Variants in ABCA13 observed in about 807,000 individuals in gnomAD.
ABCA13 encodes the protein ATP-binding cassette sub-family A member 13.
A neutral mutation model predicts 478.7 loss-of-function variants in ABCA13; 476 were observed. That is an observed-to-expected ratio of 0.99 (90% CI 0.92 to 1.07). The LOEUF (loss-of-function observed/expected upper bound fraction) is 1.07. ABCA13 is among the 50% of genes least tolerant of loss of function. ABCA13 has a pLI of 0.00. For missense variants in ABCA13, 6,060 were observed against 5,910.6 expected, an observed-to-expected ratio of 1.03 and a Z score of -0.83; for synonymous variants, 2,252 against 2,158.9, an observed-to-expected ratio of 1.04 and a Z score of -1.20.
chr7:48,228,577 G>T (rs1448413726), intron 6 of ABCA13, among the ~76,000 whole-genome samples: 1 of 152,094 alleles, frequency 6.6e-6, no homozygotes, highest in Non-Finnish European at 1.5e-5. Flanking sequence ...GCTGAGGGTG[G>T]GGAGCACATA....
At position 48,580,606 on chromosome 7, in the gene ABCA13, G is replaced by A. The variant is rs17132479; in HGVS notation, c.14505+232G>A. Among the ~76,000 whole-genome samples the A allele has an allele frequency of 0.13, 20,192 of 152,166 alleles. 1,653 individuals are homozygous for A. The highest frequency in any genetic ancestry group is 0.21 in the African/African-American group (8,519 of 41,498). ...ATCTGTGTGAGGCAGTCATGTGGTCGGAGTTAAAGCATAAATACATCATTT... is the reference window on the plus strand; with the variant it reads ...ATCTGTGTGAGGCAGTCATGTGGTCAGAGTTAAAGCATAAATACATCATTT... On this transcript the variant is annotated intron_variant, in intron 56 of 61. Transcript: ENST00000435803.
At chr7:48,412,638 C>A in intron 41 of ABCA13, 55 bp downstream of exon 41, 3 of 1,431,908 alleles carry the variant, frequency 2.1e-6, no homozygotes, top group South Asian at 3.0e-5. Context: ...GACCAGTCCA[C>A]ATTAAATGAA....
intron 1 of ABCA13, among the ~76,000 whole-genome samples, chr7:48,179,595 G>A (rs981179090): frequency 2.5e-4 from 38 of 152,156 alleles, no homozygotes; most frequent in African/African-American, 8.7e-4. Context: ...CCACCTACTT[G>A]GAAAATAACC....
rs1270907751 is a variant in ABCA13 at position 48,278,515 on chromosome 7, T to G, written c.7321T>G (p.Leu2441Val). ...CTCTCCTAATAAGGACTTCTATGCT[T>G]TGTATCCTACCCTCCAAGAAGTTAT... ...LHSPNKDFYA[L>V]YPTLQEVILA... The change falls in exon 18 of 62, where the codon TTG (leucine) becomes GTG (valine). Residue 2441 changes from leucine (L) to valine (V), a missense_variant. Around this residue, in one of 3 missense-constraint regions of ABCA13, gnomAD observed 4,423 missense variants for 4,309.1 expected, o/e 1.03. Transcript: ENST00000435803. 6.2e-7 allele frequency: 1 copy of G among 1,613,958 alleles called. No homozygotes were observed. The highest frequency in any genetic ancestry group is 1.1e-5 in the South Asian group (1 of 91,084).
chr7:48,315,542 T>A (rs1014255392), intron 26 of ABCA13, among the ~76,000 whole-genome samples: 1 of 151,986 alleles, frequency 6.6e-6, no homozygotes, highest in African/African-American at 2.4e-5. Flanking sequence ...TGCAGTGGCT[T>A]GATCTCGGCT....
intron 24 of ABCA13, 77 bp from the exon 25 acceptor site, chr7:48,312,990 A>G: frequency 7.2e-7 from 1 of 1,396,592 alleles, no homozygotes; most frequent in Non-Finnish European, 9.4e-7. Context: ...AAGTTTTCAC[A>G]GCTCAAAAGA....
At chr7:48,207,701 C>T (rs1046033861) in intron 3 of ABCA13, among the ~76,000 whole-genome samples, 11 of 151,922 alleles carry the variant, frequency 7.2e-5, no homozygotes, top group African/African-American at 2.7e-4. Context: ...GTTATTAATC[C>T]CTTGTCATAT....
At chr7:48,229,271 A>C (rs938857111) in intron 6 of ABCA13, among the ~76,000 whole-genome samples, 4 of 152,186 alleles carry the variant, frequency 2.6e-5, no homozygotes, top group Non-Finnish European at 5.9e-5. Context: ...ATGTATATGT[A>C]GATTCTCCCT....
At position 48,256,486 on chromosome 7, in the gene ABCA13, A is replaced by T. The variant is rs76396891; in HGVS notation, c.2005+7135A>T. Among the ~76,000 whole-genome samples the T allele has an allele frequency of 4.5e-3, 691 of 152,246 alleles. 4 individuals are homozygous for T. Among genetic ancestry groups the T allele is most frequent in the African/African-American group, 0.016 (655 of 41,552 alleles). On this transcript the variant is annotated intron_variant, in intron 15 of 61. Transcript: ENST00000435803. The stretch of plus-strand genomic sequence containing the variant: ...GTTGATTTTTTTATATGAGATGAGA[A>T]AGGGATCCAGCTTCAATCTTCTGCA...
At chr7:48,593,159 A>T (rs983181848) in intron 57 of ABCA13, among the ~76,000 whole-genome samples, 3 of 145,644 alleles carry the variant, frequency 2.1e-5, no homozygotes, top group East Asian at 2.0e-4. Flanking sequence ...TTTTTCCTCT[A>T]TTACTGCTTT....
chr7:48,327,369 C>T (rs1044706688), intron 27 of ABCA13, among the ~76,000 whole-genome samples: 1 of 152,162 alleles, frequency 6.6e-6, no homozygotes, highest in South Asian at 2.1e-4. Context: ...ATTTAATTAC[C>T]TCCCACCATG....
At chr7:48,351,941 T>C (rs1448878223) in intron 30 of ABCA13, among the ~76,000 whole-genome samples, 1 of 152,234 alleles carries the variant, frequency 6.6e-6, no homozygotes, top group East Asian at 1.9e-4. Context: ...AGTTTGCTTT[T>C]ATGAAAAATA....
chr7:48,342,900 C>T (rs571063663), intron 29 of ABCA13, among the ~76,000 whole-genome samples: 31 of 152,094 alleles, frequency 2.0e-4, no homozygotes, highest in African/African-American at 6.0e-4. Context: ...TTGCATTTTC[C>T]GCTTAAAATT....
At chr7:48,441,981 A>G (rs1181371199) in intron 42 of ABCA13, among the ~76,000 whole-genome samples, 1 of 152,274 alleles carries the variant, frequency 6.6e-6, no homozygotes, top group Non-Finnish European at 1.5e-5. Flanking sequence ...CATGTAGCAC[A>G]GAGTAAATAA....
At chr7:48,320,091 T>A (rs563583588) in intron 27 of ABCA13, among the ~76,000 whole-genome samples, 1 of 151,954 alleles carries the variant, frequency 6.6e-6, no homozygotes, top group Non-Finnish European at 1.5e-5. Flanking sequence ...TTCTAGAGAG[T>A]GTTAAAAGGT....
At chr7:48,396,991 A>C (rs2129063384) in intron 38 of ABCA13, among the ~76,000 whole-genome samples, 1 of 152,334 alleles carries the variant, frequency 6.6e-6, no homozygotes, top group Middle Eastern at 3.4e-3. Context: ...CAAACACAGA[A>C]TACGGTAGAG....
chr7:48,239,165 C>T lies in ABCA13; in HGVS notation c.898-76C>T, dbSNP rs545031512. The T allele has an allele frequency of 1.0e-4, 152 of 1,470,824 alleles. 1 individual carries two copies. The highest frequency in any genetic ancestry group is 1.0e-3 in the East Asian group (45 of 43,606). 91.1% of individuals were successfully genotyped at this position (1,470,824 alleles called of 1,614,324 possible). On this transcript the variant is annotated intron_variant, in intron 8 of 61. Coordinates refer to ENST00000435803, the MANE Select transcript of ABCA13 (RefSeq NM_152701.5). ...GTAAGAACTTTTACTGTGGCAAGAT[C>T]GTGGTGTTATTTTTAGAAGAGGAAG...
intron 19 of ABCA13, among the ~76,000 whole-genome samples, chr7:48,285,024 C>G (rs1010242440): frequency 2.0e-5 from 3 of 152,138 alleles, no homozygotes; most frequent in Admixed American, 1.3e-4. Context: ...CTTTCCTTCT[C>G]CTGATCTAGT....
intron 55 of ABCA13, among the ~76,000 whole-genome samples, chr7:48,544,904 G>A (rs912826540): frequency 2.0e-4 from 30 of 151,848 alleles, no homozygotes; most frequent in African/African-American, 7.2e-4. Flanking sequence ...GGCAGATAGG[G>A]TCAGAATAGA....
Sources: allele counts gnomAD v4.1 joint callset (sites outside exome capture counted in the v4.1 genomes callset), GRCh38; gene constraint gnomAD v4.1.1; regional missense constraint gnomAD v4.1.1; transcripts MANE v1.5; gene names NCBI Gene and HGNC (gene_info 2026-07-23, HGNC 2026-07-21).